Variants in SLC38A12 observed in about 807,000 individuals in gnomAD.
SLC38A12 encodes the protein putative sodium-coupled neutral amino acid transporter 12.
chr17:74,788,892 C>A, the SLC38A12 span: 16 of 1,604,660 alleles, frequency 1.0e-5, no homozygotes, highest in Non-Finnish European at 1.4e-5. Context: ...GCCCTCGTCT[C>A]CGGGCCATGC....
chr17:74,834,757 T>C, the SLC38A12 span, among the ~76,000 whole-genome samples: 3 of 152,226 alleles, frequency 2.0e-5, no homozygotes, highest in East Asian at 3.9e-4. Flanking sequence ...CCCCGTGGGC[T>C]TCACCTGAGG....
the SLC38A12 span, among the ~76,000 whole-genome samples, chr17:74,798,143 C>T: frequency 6.6e-6 from 1 of 152,194 alleles, no homozygotes; most frequent in Non-Finnish European, 1.5e-5. Context: ...GTAGATGGTG[C>T]CCCTACCCAG....
At chr17:74,793,738 C>G in the SLC38A12 span, among the ~76,000 whole-genome samples, 1 of 152,296 alleles carries the variant, frequency 6.6e-6, no homozygotes, top group East Asian at 1.9e-4. Flanking sequence ...GCCTGAGTGA[C>G]AGGCCAACCC....
chr17:74,788,920 C>T, the SLC38A12 span: 7 of 1,552,132 alleles, frequency 4.5e-6, no homozygotes, highest in African/African-American at 6.8e-5. Context: ...CCGTCAGGTA[C>T]CCAGCAGGCG....
At chr17:74,822,731 C>G in the SLC38A12 span, among the ~76,000 whole-genome samples, 1 of 152,202 alleles carries the variant, frequency 6.6e-6, no homozygotes, top group Non-Finnish European at 1.5e-5. Context: ...TAAGTAAACT[C>G]TGAAGCGCAG....
chr17:74,800,328 C>T, the SLC38A12 span, among the ~76,000 whole-genome samples: 5 of 152,340 alleles, frequency 3.3e-5, no homozygotes, highest in South Asian at 8.3e-4. Context: ...TCATTGTCAC[C>T]GACTTGATTG....
At chr17:74,828,952 G>A in the SLC38A12 span, among the ~76,000 whole-genome samples, 2 of 152,096 alleles carry the variant, frequency 1.3e-5, no homozygotes, top group Admixed American at 6.6e-5. Flanking sequence ...AAACCCCACT[G>A]AGACACCCAT....
the SLC38A12 span, among the ~76,000 whole-genome samples, chr17:74,784,548 G>A: frequency 6.6e-6 from 1 of 152,064 alleles, no homozygotes; most frequent in African/African-American, 2.4e-5. Context: ...GTGCTTGGTG[G>A]AGCCTGCCGA....
At chr17:74,834,603 A>G in the SLC38A12 span, among the ~76,000 whole-genome samples, 2 of 152,168 alleles carry the variant, frequency 1.3e-5, no homozygotes, top group African/African-American at 2.4e-5. Flanking sequence ...AAAGGGGACC[A>G]TAGGATACCC....
chr17:74,797,224 T>C, the SLC38A12 span, among the ~76,000 whole-genome samples: 2 of 152,232 alleles, frequency 1.3e-5, no homozygotes, highest in African/African-American at 4.8e-5. Flanking sequence ...CCCTCACTTA[T>C]TCCTATAAAC....
chr17:74,837,472 G>A, the SLC38A12 span: 14 of 985,378 alleles, frequency 1.4e-5, no homozygotes, highest in Admixed American at 6.1e-5. Context: ...AGCCCTCAGG[G>A]CCTCCTACAG....
chr17:74,788,196 C>T, the SLC38A12 span, among the ~76,000 whole-genome samples: 7 of 152,144 alleles, frequency 4.6e-5, no homozygotes, highest in Non-Finnish European at 5.9e-5. Context: ...TGAATTGGTC[C>T]GTAGAAGTGC....
chr17:74,786,034 A>T, the SLC38A12 span, among the ~76,000 whole-genome samples: 1 of 152,268 alleles, frequency 6.6e-6, no homozygotes, highest in Admixed American at 6.5e-5. Flanking sequence ...TTTAGAATTT[A>T]CTTAAGGTAA....
chr17:74,811,447 A>T, the SLC38A12 span, among the ~76,000 whole-genome samples: 1 of 152,224 alleles, frequency 6.6e-6, no homozygotes, highest in Non-Finnish European at 1.5e-5. Context: ...CTGGCCAGGC[A>T]TGGTGGCTCA....
chr17:74,813,005 G>C, the SLC38A12 span, among the ~76,000 whole-genome samples: 1 of 152,126 alleles, frequency 6.6e-6, no homozygotes, highest in Non-Finnish European at 1.5e-5. Flanking sequence ...ATTTTTAGAG[G>C]GAAAGAAATA....
At chr17:74,834,997 C>CTG in the SLC38A12 span, among the ~76,000 whole-genome samples, 1 of 152,236 alleles carries the variant, frequency 6.6e-6, no homozygotes. Context: ...CAGGCTGCCT[C>CTG]TGGGGAACTC....
the SLC38A12 span, among the ~76,000 whole-genome samples, chr17:74,780,147 C>T: frequency 4.6e-5 from 7 of 152,350 alleles, no homozygotes; most frequent in South Asian, 2.1e-4. Flanking sequence ...AAGATTGTTG[C>T]GGTTGCTTTC....
the SLC38A12 span, among the ~76,000 whole-genome samples, chr17:74,779,148 G>A: frequency 2.4e-4 from 36 of 152,296 alleles, no homozygotes; most frequent in African/African-American, 7.5e-4. Context: ...TAGAGATAAG[G>A]AGATGAGTCA....
the SLC38A12 span, among the ~76,000 whole-genome samples, chr17:74,813,117 C>T: frequency 6.6e-6 from 1 of 152,222 alleles, no homozygotes; most frequent in Non-Finnish European, 1.5e-5. Context: ...CCTGCCCCGC[C>T]CCACTTCAGT....
Sources: allele counts gnomAD v4.1 joint callset (sites outside exome capture counted in the v4.1 genomes callset), GRCh38; gene constraint gnomAD v4.1.1; transcripts MANE v1.5; gene names NCBI Gene and HGNC (gene_info 2026-07-23, HGNC 2026-07-21).